The following WEE2 variants were observed in gnomAD, a reference collection of about 807,000 sequenced individuals.
WEE2 encodes WEE2 oocyte meiosis inhibiting kinase, also known as wee1-like protein kinase 2.
Under a neutral mutation model 60.1 loss-of-function variants are expected in WEE2, and 50 were observed. The ratio of observed to expected loss-of-function variants is 0.83; its 90% confidence interval spans 0.66 to 1.05. WEE2 has a LOEUF of 1.05. Among genes scored for constraint, WEE2 ranks in the 50% least tolerant of loss-of-function variants. The pLI, the probability that WEE2 is intolerant of heterozygous loss-of-function variation, is 0.00. For missense variants in WEE2, 631 were observed against 684.3 expected, an observed-to-expected ratio of 0.92 and a Z score of 0.87; for synonymous variants, 240 against 241.0, an observed-to-expected ratio of 1.00 and a Z score of 0.04.
chr7:141,723,092 A>G (rs761887126), intron 5 of WEE2, 42 bp from the exon 6 acceptor site: 30 of 1,610,570 alleles, frequency 1.9e-5, no homozygotes, highest in Non-Finnish European at 2.5e-5. Flanking sequence ...TTTCATCTAT[A>G]AGACTCATAC....
chr7:141,723,369 C>T, intron 6 of WEE2, 89 bp downstream of exon 6: 1 of 1,414,614 alleles, frequency 7.1e-7, no homozygotes, highest in Non-Finnish European at 9.6e-7. Context: ...TATCAAGTGT[C>T]AAGGACGGTG....
At chr7:141,715,605 C>T (rs546747153) in intron 2 of WEE2, among the ~76,000 whole-genome samples, 5 of 152,140 alleles carry the variant, frequency 3.3e-5, no homozygotes, top group African/African-American at 7.2e-5. Context: ...CTTAGCTTAT[C>T]GAAGAGTAAT....
rs1798965797 is a variant in WEE2 at position 141,723,971 on chromosome 7, G to A, written c.1058G>A (p.Ser353Asn). 1.2e-6 allele frequency: 2 copies of A among 1,611,296 alleles called. No homozygotes were observed. Among genetic ancestry groups the A allele is most frequent in the Non-Finnish European group, 1.7e-6 (2 of 1,179,020 alleles). The change falls in exon 7 of 12, where the codon AGT (serine) becomes AAT (asparagine). Residue 353 changes from serine (S) to asparagine (N), a missense_variant. Transcript: ENST00000397541. ...ATATTCATTTGTCACAAGATGCAAA[G>A]TGAATCCTCTGGAGTCATAGAAGAA... ...SNIFICHKMQ[S>N]ESSGVIEEVE...
At chr7:141,721,336 T>A (rs1343949913) in intron 5 of WEE2, among the ~76,000 whole-genome samples, 1 of 152,222 alleles carries the variant, frequency 6.6e-6, no homozygotes, top group Non-Finnish European at 1.5e-5. Context: ...ATGAGTTAGA[T>A]GTGCTCCCTC....
At chr7:141,716,168 C>A in intron 2 of WEE2, 54 bp from the exon 3 acceptor site, 2 of 1,440,486 alleles carry the variant, frequency 1.4e-6, no homozygotes, top group East Asian at 4.9e-5. Context: ...TAGCATAGTT[C>A]GGCCTCAATA....
rs1429086408 is a variant in WEE2, at chr7:141,720,961, C to T, written c.785C>T (p.Ala262Val). The T allele has an allele frequency of 6.2e-7, 1 of 1,613,926 alleles. No homozygotes were observed. Among genetic ancestry groups the T allele is most frequent in the African/African-American group, 1.3e-5 (1 of 74,942 alleles). The change falls in exon 5 of 12, where the codon GCT becomes GTT. Residue 262 changes from alanine to valine, a missense_variant. Coordinates refer to ENST00000397541, the MANE Select transcript of WEE2 (RefSeq NM_001105558.1). ...NENSALHEVY[A>V]HAVLGHHPHV... ...AATTCGGCTTTGCATGAAGTTTATG[C>T]TCACGCAGTGCTTGGGCATCACCCC...
rs149430979 is a variant in WEE2 at position 141,718,093 on chromosome 7, G to A, written c.586-979G>A. ...GAACAGAGCTTGAGACTGGCTAAGG[G>A]TAATGAAAATTAAGAGATCTTGCTG... On this transcript the variant is annotated intron_variant, in intron 3 of 11. Coordinates refer to ENST00000397541, the MANE Select transcript of WEE2 (RefSeq NM_001105558.1). Among the ~76,000 whole-genome samples, 622 of 152,212 alleles carry A rather than the reference G, an allele frequency of 4.1e-3. 5 individuals are homozygous for A. The highest frequency in any genetic ancestry group is 0.01 in the Middle Eastern group (3 of 294).
At chr7:141,718,960 C>T in intron 3 of WEE2, 112 bp from the exon 4 acceptor site, 2 of 993,698 alleles carry the variant, frequency 2.0e-6, no homozygotes, top group Non-Finnish European at 1.5e-6. Context: ...TTGCAGTCAC[C>T]TCAAAAGTCT....
rs757584609 is a variant in WEE2, at chr7:141,724,203, C to T, written c.1149C>T (p.His383=). 2.6e-5 allele frequency: 42 copies of T among 1,611,854 alleles called. 1 individual carries two copies. The highest frequency in any genetic ancestry group is 2.3e-4 in the African/African-American group (17 of 74,600). Residue 383 remains histidine (H), a synonymous_variant, in exon 8 of 12, where the codon CAC becomes CAT. Coordinates refer to ENST00000397541, the MANE Select transcript of WEE2 (RefSeq NM_001105558.1). ...NVMYKIGDLG[H]ATSINKPKVE... ...TCTTTTTTTTAGGTGACCTGGGCCA[C>T]GCAACATCAATAAACAAACCCAAAG...
chr7:141,714,846 A>C (rs1475622325), intron 2 of WEE2, among the ~76,000 whole-genome samples: 1 of 152,208 alleles, frequency 6.6e-6, no homozygotes, highest in East Asian at 1.9e-4. Context: ...GGGTGATGGA[A>C]GATTGGCTGA....
Position 141,708,513 on chromosome 7 carries a change from T to C in WEE2, c.-246T>C. On this transcript the variant is annotated 5_prime_UTR_variant, in exon 1 of 12. Transcript: ENST00000397541. Reference sequence around the variant, plus strand: ...CTGTACATGAACTGCATTTAATTGCTCCGAGAGTCACTGGAGCTTTCTTTA... The same window carrying C: ...CTGTACATGAACTGCATTTAATTGCCCCGAGAGTCACTGGAGCTTTCTTTA... 1.8e-6 allele frequency: 1 copy of C among 550,692 alleles called. No homozygotes were observed. The highest frequency in any genetic ancestry group is 2.9e-5 in the East Asian group (1 of 34,224). The allele number at this position is 550,692 out of a possible 1,614,324, so 34.1% of individuals were successfully genotyped here.
At chr7:141,722,044 G>A (rs1282775309) in intron 5 of WEE2, among the ~76,000 whole-genome samples, 1 of 152,072 alleles carries the variant, frequency 6.6e-6, no homozygotes, top group Non-Finnish European at 1.5e-5. Flanking sequence ...GTGGAGCTAT[G>A]GTTTTTGTAA....
chr7:141,729,501 A>G, intron 10 of WEE2, 30 bp from the exon 11 acceptor site: 1 of 1,614,196 alleles, frequency 6.2e-7, no homozygotes. Context: ...GAGATCAAGT[A>G]GCCTTTGCTT....
intron 3 of WEE2, 36 bp downstream of exon 3, chr7:141,716,303 A>G: frequency 6.2e-7 from 1 of 1,602,120 alleles, no homozygotes; most frequent in Non-Finnish European, 8.5e-7. Flanking sequence ...GCCACAATAT[A>G]GGCAGTTTAT....
Position 141,709,098 on chromosome 7 carries a change from AAAGT to A in WEE2, c.342+6_342+9del. The A allele has an allele frequency of 3.1e-6, 5 of 1,611,478 alleles. No individual in the cohort carries two copies. The highest frequency in any genetic ancestry group is 1.3e-5 in the African/African-American group (1 of 74,882). ...GCCCAGTGACAGCCCCTCTACTCCCAAAGTAAGTAAGGGGTGGGGGAAAAAGGGA... is the reference window on the plus strand; with the variant it reads ...GCCCAGTGACAGCCCCTCTACTCCCAAAGTAAGGGGTGGGGGAAAAAGGGA... On this transcript the variant is annotated splice_donor_variant and coding_sequence_variant, in exon 1 of 12. Transcript: ENST00000397541. LOFTEE classifies it high-confidence loss of function.
intron 4 of WEE2, chr7:141,720,653 A>T (rs1409081405): frequency 5.0e-6 from 2 of 398,688 alleles, no homozygotes; most frequent in Non-Finnish European, 9.0e-6. Context: ...TGTTAAAATA[A>T]AAAAAAAACA....
rs1366093744 is a variant in WEE2 at position 141,708,877 on chromosome 7, C to A, written c.119C>A (p.Thr40Asn). ...VEESREASSQTPEKGEVQDSE... is the reference protein window; with the variant it reads ...VEESREASSQNPEKGEVQDSE... ...GAAAGCAGGGAGGCTTCGAGCCAAA[C>A]CCCAGAGAAGGGTGAAGTGCAGGAT... Residue 40 changes from threonine to asparagine, a missense_variant, in exon 1 of 12, where the codon ACC becomes AAC. Coordinates refer to ENST00000397541, the MANE Select transcript of WEE2 (RefSeq NM_001105558.1). 5.6e-6 allele frequency: 9 copies of A among 1,614,036 alleles called. No individual in the cohort carries two copies. Among genetic ancestry groups the A allele is most frequent in the Non-Finnish European group, 6.8e-6 (8 of 1,180,034 alleles).
At chr7:141,716,199 A>C (rs752180304) in intron 2 of WEE2, 23 bp from the exon 3 acceptor site, 70 of 1,603,868 alleles carry the variant, frequency 4.4e-5, no homozygotes, top group Middle Eastern at 1.8e-4. Flanking sequence ...ATATATTGAT[A>C]AACTTTTTTT....
chr7:141,718,987 C>A, intron 3 of WEE2, 85 bp from the exon 4 acceptor site: 1 of 1,331,834 alleles, frequency 7.5e-7, no homozygotes, highest in Non-Finnish European at 1.0e-6. Flanking sequence ...AAACTTGGAG[C>A]AACTTAGGAC....
Sources: gnomAD v4.1 joint callset for allele counts (sites outside exome capture counted in the v4.1 genomes callset) on GRCh38, gnomAD v4.1.1 for gene constraint, MANE v1.5 for transcripts, NCBI Gene and HGNC (gene_info 2026-07-23, HGNC 2026-07-21) for gene names.